Variants in PRKRA observed in about 807,000 individuals in gnomAD.
PRKRA encodes the protein interferon-inducible double-stranded RNA-dependent protein kinase activator A.
Under a neutral mutation model 32.4 loss-of-function variants are expected in PRKRA, and 22 were observed. The ratio of observed to expected loss-of-function variants is 0.68; its 90% CI spans 0.49 to 0.97. The LOEUF is 0.97. Ranked by LOEUF, PRKRA falls within the 50% of genes least tolerant of loss-of-function variation. The pLI is 0.00. For missense variants in PRKRA, 319 were observed against 375.6 expected, an observed-to-expected ratio of 0.85 and a Z score of 1.25; for synonymous variants, 139 against 129.8, an observed-to-expected ratio of 1.07 and a Z score of -0.48.
chr2:178,445,377 G>A (rs1697280757), intron 3 of PRKRA: 1 of 151,988 alleles, frequency 6.6e-6, no homozygotes, highest in Admixed American at 6.6e-5. Context: ...TTCCAACTGT[G>A]AGAATTTCAA....
chr2:178,432,280 G>T, intron 7 of PRKRA, 26 bp from the exon 8 acceptor site: 1 of 801,594 alleles, frequency 1.2e-6, no homozygotes, highest in Non-Finnish European at 1.8e-6. Flanking sequence ...CAAGGATGAC[G>T]ATTAATGTCC....
chr2:178,436,163 T>C lies in PRKRA; in HGVS notation c.766A>G (p.Ile256Val), dbSNP rs769913085. The C allele has an allele frequency of 4.3e-6, 7 of 1,610,018 alleles. No homozygotes were observed. The highest frequency in any genetic ancestry group is 1.7e-5 in the Admixed American group (1 of 59,992). ...SEIAKEQGFN[I>V]TYLDIDELSA... ...ATCATACCTATATCCAAATATGTTA[T>C]ATTAAAACCTTGTTCCTTGGCAATT... The change falls in exon 7 of 8, where the codon ATA becomes GTA. Residue 256 changes from isoleucine to valine, a missense_variant. By Grantham distance (29) the Ile-to-Val change is conservative. Coordinates refer to ENST00000325748, the MANE Select transcript of PRKRA (RefSeq NM_003690.5).
intron 5 of PRKRA, 100 bp from the exon 6 acceptor site, chr2:178,441,804 G>A (rs947410656): frequency 7.2e-5 from 53 of 739,076 alleles, no homozygotes; most frequent in African/African-American, 1.5e-4. Flanking sequence ...AGAACCTCAC[G>A]GTTTTTATTA....
intron 5 of PRKRA, 56 bp downstream of exon 5, chr2:178,443,211 T>A: frequency 1.0e-6 from 1 of 960,682 alleles, no homozygotes; most frequent in South Asian, 1.6e-5. Flanking sequence ...GAAATTTCGA[T>A]AGTCATTCAT....
chr2:178,445,404 T>G (rs906385043), intron 3 of PRKRA: 1 of 152,706 alleles, frequency 6.5e-6, no homozygotes, highest in East Asian at 1.9e-4. Flanking sequence ...CATAGGCTGA[T>G]GAGATATGAG....
intron 6 of PRKRA, 147 bp from the exon 7 acceptor site, chr2:178,436,466 T>C (rs2154124772): frequency 1.4e-6 from 1 of 710,280 alleles, no homozygotes; most frequent in East Asian, 2.7e-5. Flanking sequence ...AATTTTCCAA[T>C]TTAAACAAGA....
intron 1 of PRKRA, chr2:178,450,713 C>T (rs1697566672): frequency 2.9e-6 from 4 of 1,393,936 alleles, no homozygotes; most frequent in Non-Finnish European, 3.7e-6. Context: ...ACCTGACGAT[C>T]CCTTCCCGGG....
At chr2:178,435,818 A>G (rs1385432263) in intron 7 of PRKRA, among the ~76,000 whole-genome samples, 1 of 152,238 alleles carries the variant, frequency 6.6e-6, no homozygotes, top group Non-Finnish European at 1.5e-5. Flanking sequence ...ATAAATAAGG[A>G]TAACAGAATT....
chr2:178,449,526 T>A (rs1332612319), intron 2 of PRKRA, among the ~76,000 whole-genome samples: 2 of 152,202 alleles, frequency 1.3e-5, no homozygotes, highest in Non-Finnish European at 2.9e-5. Flanking sequence ...AAAAATAATG[T>A]CCACATTTAC....
intron 7 of PRKRA, among the ~76,000 whole-genome samples, chr2:178,432,977 A>G (rs1035259471): frequency 6.6e-6 from 1 of 152,218 alleles, no homozygotes; most frequent in Non-Finnish European, 1.5e-5. Flanking sequence ...AATGAGGGCA[A>G]AGAGGAAGAA....
intron 7 of PRKRA, among the ~76,000 whole-genome samples, chr2:178,432,469 A>G (rs1696703289): frequency 6.6e-6 from 1 of 152,228 alleles, no homozygotes; most frequent in South Asian, 2.1e-4. Flanking sequence ...ATGATCTGAC[A>G]GTGTTAAAGA....
Position 178,431,721 on chromosome 2 carries a change from C to T in PRKRA, c.*376G>A, listed in dbSNP as rs961862802. 1.4e-5 allele frequency: 4 copies of T among 284,052 alleles called. No homozygotes were observed. In the Admixed American group the frequency reaches 1.4e-4, roughly 10 times the overall value. 17.6% of individuals were successfully genotyped at this position (284,052 alleles called of 1,614,324 possible). On this transcript the variant is annotated 3_prime_UTR_variant, in exon 8 of 8. Coordinates refer to ENST00000325748, the MANE Select transcript of PRKRA (RefSeq NM_003690.5). ...CAAGACTCTAATTCTAAAGGGCTTC[C>T]TTTGAATTCCCTTTATAAAGCTTTG... is the stretch of plus-strand genomic sequence containing the variant.
At chr2:178,436,105 T>A in intron 7 of PRKRA, 40 bp downstream of exon 7, 1 of 1,534,468 alleles carries the variant, frequency 6.5e-7, no homozygotes, top group Non-Finnish European at 9.0e-7. Context: ...CATTTTTAAA[T>A]AAACATGTCT....
intron 2 of PRKRA, chr2:178,450,028 AG>A (rs1228065210): frequency 1.5e-6 from 1 of 657,648 alleles, no homozygotes; most frequent in Non-Finnish European, 2.6e-6. Context: ...GTAACTTTTT[AG>A]TTTCTAAGCT....
chr2:178,444,083 C>A (rs145263960), intron 4 of PRKRA: 2 of 231,186 alleles, frequency 8.7e-6, no homozygotes, highest in Non-Finnish European at 1.7e-5. Context: ...TTTAGGCTCT[C>A]TATAAAGTCT....
chr2:178,433,015 T>C (rs554623984), intron 7 of PRKRA, among the ~76,000 whole-genome samples: 1 of 152,352 alleles, frequency 6.6e-6, no homozygotes, highest in East Asian at 1.9e-4. Context: ...ATGATTTATT[T>C]GAAGTAGGCA....
chr2:178,444,083 C>CTATAA (rs1480289495), intron 4 of PRKRA: 1 of 231,186 alleles, frequency 4.3e-6, no homozygotes, highest in Non-Finnish European at 8.6e-6. Flanking sequence ...TTTAGGCTCT[C>CTATAA]TATAAAGTCT....
chr2:178,440,467 C>T (rs1277240175), intron 6 of PRKRA, among the ~76,000 whole-genome samples: 2 of 152,142 alleles, frequency 1.3e-5, no homozygotes, highest in African/African-American at 2.4e-5. Flanking sequence ...TTCAGCTACT[C>T]GATATATTCA....
chr2:178,448,267 A>T (rs902834037), intron 2 of PRKRA, among the ~76,000 whole-genome samples: 2 of 152,216 alleles, frequency 1.3e-5, no homozygotes, highest in African/African-American at 4.8e-5. Context: ...CAAATGATAA[A>T]TTCCATCTTT....
Sources: allele counts gnomAD v4.1 joint callset (sites outside exome capture counted in the v4.1 genomes callset), GRCh38; gene constraint gnomAD v4.1.1; transcripts MANE v1.5; gene names NCBI Gene and HGNC (gene_info 2026-07-23, HGNC 2026-07-21).